Variants in CPNE4 observed in about 807,000 individuals in gnomAD.
The protein encoded by CPNE4 is copine 4.
CPNE4 carries 25 observed loss-of-function variants against 67.9 expected under a neutral mutation model. The ratio of observed to expected loss-of-function variants is 0.37; its 90% CI spans 0.27 to 0.51. CPNE4 has a LOEUF of 0.51. CPNE4 is among the 20% of genes least tolerant of loss of function. CPNE4 has a pLI of 0.93. For missense variants in CPNE4, 464 were observed against 690.8 expected (o/e 0.67, Z 3.68); for synonymous variants, 242 against 244.9 (o/e 0.99, Z 0.11).
In CPNE4 at chr3:131,561,337, C is replaced by CTG. The variant is rs56788885; in HGVS notation, c.1061+2877_1061+2878dup. Among the ~76,000 whole-genome samples the CTG allele has an allele frequency of 6.5e-3, 967 of 148,342 alleles. 10 individuals are homozygous for CTG. The highest frequency in any genetic ancestry group is 0.02 in the African/African-American group (823 of 40,428). On this transcript the variant is annotated intron_variant, in intron 11 of 15. Coordinates refer to ENST00000429747, the MANE Select transcript of CPNE4 (RefSeq NM_130808.3). Reference sequence around the variant, plus strand: ...TGCTACAACTTGAGCTTGTGTGGGCCTGTGTGTGTGTGTGTGTGTGCGCAC... The same window carrying CTG: ...TGCTACAACTTGAGCTTGTGTGGGCCTGTGTGTGTGTGTGTGTGTGTGCGCAC...
chr3:131,709,825 G>T (rs1056216108), intron 3 of CPNE4, among the ~76,000 whole-genome samples: 1 of 152,218 alleles, frequency 6.6e-6, no homozygotes, highest in Non-Finnish European at 1.5e-5. Context: ...TCTTCCCTCT[G>T]CCTGGAACAC....
At chr3:131,545,482 A>G (rs560516298) in intron 14 of CPNE4, among the ~76,000 whole-genome samples, 1 of 152,304 alleles carries the variant, frequency 6.6e-6, no homozygotes, top group South Asian at 2.1e-4. Context: ...TCAACAAATC[A>G]AATTAATATT....
chr3:131,824,767 TG>T (rs1266671509), intron 2 of CPNE4, among the ~76,000 whole-genome samples: 1 of 152,142 alleles, frequency 6.6e-6, no homozygotes, highest in African/African-American at 2.4e-5. Context: ...GGATAAAAAG[TG>T]TCCTTCTGCT....
At chr3:131,914,867 T>G (rs1327975495) in intron 1 of CPNE4, among the ~76,000 whole-genome samples, 1 of 152,080 alleles carries the variant, frequency 6.6e-6, no homozygotes, top group African/African-American at 2.4e-5. Flanking sequence ...TCCCAGCTAC[T>G]CAGGGGGCTG....
chr3:131,875,004 TTTAA>T (rs1480362231), intron 2 of CPNE4, among the ~76,000 whole-genome samples: 1 of 152,194 alleles, frequency 6.6e-6, no homozygotes, highest in Non-Finnish European at 1.5e-5. Context: ...CATGATACCC[TTTAA>T]TTGTCACAAT....
Position 132,034,990 on chromosome 3 carries a change from C to T in CPNE4, c.-425G>A. 1.0e-6 allele frequency: 1 copy of T among 985,288 alleles called. No homozygotes were observed. The highest frequency in any genetic ancestry group is 1.2e-6 in the Non-Finnish European group (1 of 830,086). 61.0% of individuals were successfully genotyped at this position (985,288 alleles called of 1,614,324 possible). A position where few individuals can be genotyped will look rare whatever the true frequency, so the allele number is the denominator to read the frequency against. On this transcript the variant is annotated 5_prime_UTR_variant, in exon 1 of 16. Transcript: ENST00000429747. ...GGGTGGCGGGGAGATGGCAGCTTCTCACAGAGAGATTTCCACCTTCTGACG... is the reference window on the plus strand; with the variant it reads ...GGGTGGCGGGGAGATGGCAGCTTCTTACAGAGAGATTTCCACCTTCTGACG...
At chr3:131,586,722 C>CTCTA (rs111608363) in intron 8 of CPNE4, among the ~76,000 whole-genome samples, 143 of 148,484 alleles carry the variant, frequency 9.6e-4, no homozygotes, top group South Asian at 4.4e-3. Flanking sequence ...GACTTTCTAT[C>CTCTA]TCTATCTGTC....
chr3:131,941,121 C>T (rs1373672474), intron 1 of CPNE4, among the ~76,000 whole-genome samples: 1 of 152,022 alleles, frequency 6.6e-6, no homozygotes, highest in Admixed American at 6.6e-5. Flanking sequence ...AATGCTGGAG[C>T]TGGCTTGCGC....
chr3:131,837,250 A>G (rs142251546), intron 2 of CPNE4, among the ~76,000 whole-genome samples: 71 of 152,290 alleles, frequency 4.7e-4, no homozygotes, highest in Middle Eastern at 6.8e-3. Context: ...GTACATTTAC[A>G]TAAAAACCTG....
chr3:131,921,469 G>A (rs1215374441), intron 1 of CPNE4, among the ~76,000 whole-genome samples: 6 of 152,154 alleles, frequency 3.9e-5, no homozygotes, highest in Non-Finnish European at 8.8e-5. Flanking sequence ...ACAAAACGTG[G>A]TCACTGCCTT....
At chr3:131,704,522 G>A (rs2081373859) in intron 3 of CPNE4, among the ~76,000 whole-genome samples, 1 of 152,132 alleles carries the variant, frequency 6.6e-6, no homozygotes, top group African/African-American at 2.4e-5. Context: ...TTTATTGGCT[G>A]TTTTCTCTTT....
intron 1 of CPNE4, among the ~76,000 whole-genome samples, chr3:131,989,148 C>T (rs1321349152): frequency 6.6e-6 from 1 of 152,172 alleles, no homozygotes; most frequent in East Asian, 1.9e-4. Context: ...AGGTGCCACA[C>T]AAAGGGTGGC....
At chr3:132,037,396 T>C (rs1173942239), upstream of CPNE4, among the ~76,000 whole-genome samples, 5 of 152,198 alleles carry the variant, frequency 3.3e-5, no homozygotes, top group African/African-American at 4.8e-5. Flanking sequence ...CAGAATTTAC[T>C]TCCACCTCTT....
rs1482098113 is a variant in CPNE4, at chr3:131,978,090, TATATATATAA to T, written c.-2+56467_-2+56476del. Reference sequence around the variant, plus strand: ...ATAAATATATATAAATATATATAAATATATATATAAATATATATAAAATATATATAAATAT... The same window carrying T: ...ATAAATATATATAAATATATATAAATATATATATAAAATATATATAAATAT... On this transcript the variant is annotated intron_variant, in intron 1 of 15. Coordinates refer to ENST00000429747, the MANE Select transcript of CPNE4 (RefSeq NM_130808.3). 8.8e-5 allele frequency among the ~76,000 whole-genome samples: 3 copies of T among 34,128 alleles called. 1 individual carries two copies. The highest frequency in any genetic ancestry group is 5.5e-4 in the African/African-American group (3 of 5,454). 22.4% of individuals were successfully genotyped at this position (34,128 alleles called of 152,430 possible).
Position 132,034,694 on chromosome 3 carries a change from G to T in CPNE4, c.-129C>A. On this transcript the variant is annotated 5_prime_UTR_variant, in exon 1 of 16. Coordinates refer to ENST00000429747, the MANE Select transcript of CPNE4 (RefSeq NM_130808.3). Reference sequence around the variant, plus strand: ...TGTGGTAGTTTTGTACTGATGTAAGGGGCGTCGCACCTCCTTCCCCTCTCG... The same window carrying T: ...TGTGGTAGTTTTGTACTGATGTAAGTGGCGTCGCACCTCCTTCCCCTCTCG... 4 of 985,468 alleles carry T rather than the reference G, an allele frequency of 4.1e-6. No individual in the cohort carries two copies. Among genetic ancestry groups the T allele is most frequent in the Non-Finnish European group, 4.8e-6 (4 of 830,032 alleles). 61.0% of individuals were successfully genotyped at this position (985,468 alleles called of 1,614,324 possible).
chr3:131,664,134 A>C (rs1264839823), intron 7 of CPNE4, among the ~76,000 whole-genome samples: 1 of 152,174 alleles, frequency 6.6e-6, no homozygotes, highest in Admixed American at 6.5e-5. Flanking sequence ...CCCATAATAC[A>C]TGTGATTAAA....
chr3:131,778,300 A>G (rs1460351114), intron 2 of CPNE4, among the ~76,000 whole-genome samples: 3 of 151,874 alleles, frequency 2.0e-5, no homozygotes, highest in African/African-American at 7.3e-5. Context: ...CCCTCCTCCT[A>G]TCGTGTACCC....
At chr3:131,795,286 G>T (rs2083890428) in intron 2 of CPNE4, among the ~76,000 whole-genome samples, 1 of 152,170 alleles carries the variant, frequency 6.6e-6, no homozygotes, top group Non-Finnish European at 1.5e-5. Flanking sequence ...AAAGCACAGA[G>T]AAACATATTA....
chr3:132,034,453 G>T (rs2178385), intron 1 of CPNE4, 114 bp downstream of exon 1: 97,095 of 311,582 alleles, frequency 0.31, 15,417 homozygotes, highest in African/African-American at 0.35. Context: ...AACGTGCAAA[G>T]GTGAGCGAGA....
Sources: gnomAD v4.1 joint callset for allele counts (sites outside exome capture counted in the v4.1 genomes callset) on GRCh38, gnomAD v4.1.1 for gene constraint, MANE v1.5 for transcripts, NCBI Gene and HGNC (gene_info 2026-07-23, HGNC 2026-07-21) for gene names.